HDAC9: variants seen among roughly 807,000 people sequenced by gnomAD.
HDAC9 encodes the protein MEF-2 interacting transcription repressor (MITR) protein.
In HDAC9, 41 loss-of-function variants were observed where a neutral mutation model predicts 139.4. The ratio of observed to expected loss-of-function variants is 0.29; its 90% confidence interval spans 0.23 to 0.38. The LOEUF (loss-of-function observed/expected upper bound fraction) is 0.38. Among genes scored for constraint, HDAC9 ranks in the 10% least tolerant of loss-of-function variants. The probability of loss-of-function intolerance (pLI) is 1.00; values close to 1 mark genes in which losing one functional copy is unlikely to be tolerated. For synonymous variants in HDAC9, 517 were observed against 476.2 expected, an observed-to-expected ratio of 1.09 and a Z score of -1.12; for missense variants, 1,147 against 1,297.0, an observed-to-expected ratio of 0.88 and a Z score of 1.78.
intron 1 of HDAC9, among the ~76,000 whole-genome samples, chr7:18,443,834 G>C (rs907643662): frequency 1.3e-5 from 2 of 150,130 alleles, no homozygotes; most frequent in African/African-American, 4.9e-5. Context: ...ATACACATTT[G>C]TATAAACATT....
chr7:18,342,517 T>C (rs1479532876), intron 1 of HDAC9, among the ~76,000 whole-genome samples: 1 of 151,898 alleles, frequency 6.6e-6, no homozygotes, highest in Non-Finnish European at 1.5e-5. Flanking sequence ...AAATGGAGTT[T>C]CTGACTCATA....
At chr7:18,400,468 G>T (rs1787437367) in intron 1 of HDAC9, among the ~76,000 whole-genome samples, 1 of 152,122 alleles carries the variant, frequency 6.6e-6, no homozygotes, top group Non-Finnish European at 1.5e-5. Flanking sequence ...AGAAACTGGG[G>T]GTTGGCAGTA....
intron 21 of HDAC9, 59 bp downstream of exon 21, chr7:18,836,056 A>G: frequency 1.1e-6 from 1 of 880,330 alleles, no homozygotes; most frequent in Non-Finnish European, 1.8e-6. Flanking sequence ...CATTGAAATA[A>G]CACCAAATAT....
intron 16 of HDAC9, among the ~76,000 whole-genome samples, chr7:18,792,271 A>ATT (rs1562944981): frequency 1.6e-3 from 237 of 150,124 alleles, no homozygotes; most frequent in African/African-American, 5.6e-3. Context: ...TTTTTTTAAA[A>ATT]AAAAAAAAAA....
At chr7:18,279,080 A>G (rs942837397) in intron 2 of HDAC9, among the ~76,000 whole-genome samples, 1 of 152,236 alleles carries the variant, frequency 6.6e-6, no homozygotes, top group Non-Finnish European at 1.5e-5. Flanking sequence ...TTCATCATTC[A>G]ATAAAGTACA....
chr7:18,420,538 A>C (rs1789521666), intron 1 of HDAC9, among the ~76,000 whole-genome samples: 1 of 152,208 alleles, frequency 6.6e-6, no homozygotes, highest in Non-Finnish European at 1.5e-5. Flanking sequence ...TTCATATTTA[A>C]AACTCATAAA....
chr7:18,926,792 A>G (rs750837601), intron 22 of HDAC9, among the ~76,000 whole-genome samples: 24 of 152,290 alleles, frequency 1.6e-4, no homozygotes, highest in Admixed American at 3.3e-4. Context: ...TTAGGATACA[A>G]TTTATTCATT....
chr7:18,721,463 G>A (rs2129124385), intron 12 of HDAC9, among the ~76,000 whole-genome samples: 1 of 151,676 alleles, frequency 6.6e-6, no homozygotes, highest in Admixed American at 6.6e-5. Flanking sequence ...TAAACTATTT[G>A]TACTAAATGT....
At chr7:18,373,405 T>C (rs2128704511) in intron 1 of HDAC9, among the ~76,000 whole-genome samples, 1 of 152,296 alleles carries the variant, frequency 6.6e-6, no homozygotes, top group South Asian at 2.1e-4. Flanking sequence ...CATTTATTCA[T>C]CTGTAAAACA....
At chr7:18,430,161 T>C (rs1250025034) in intron 1 of HDAC9, among the ~76,000 whole-genome samples, 2 of 152,158 alleles carry the variant, frequency 1.3e-5, no homozygotes, top group East Asian at 3.8e-4. Context: ...CAATTTGAAT[T>C]TATAGCTTGA....
intron 1 of HDAC9, among the ~76,000 whole-genome samples, chr7:18,319,074 C>G (rs186429640): frequency 6.6e-6 from 1 of 152,118 alleles, no homozygotes; most frequent in African/African-American, 2.4e-5. Context: ...TGTTTGTTAG[C>G]GTAGTAGCAT....
In HDAC9 at chr7:19,001,801, C is replaced by T. The variant is rs1178896096; in HGVS notation, c.*5739C>T. 2.0e-5 allele frequency: 3 copies of T among 152,014 alleles called. No individual in the cohort carries two copies. Among genetic ancestry groups the T allele is most frequent in the Non-Finnish European group, 4.4e-5 (3 of 67,932 alleles). The allele number at this position is 152,014 out of a possible 1,614,324, so 9.4% of individuals were successfully genotyped here. A position where few individuals can be genotyped will look rare whatever the true frequency, so the allele number is the denominator to read the frequency against. On this transcript the variant is annotated 3_prime_UTR_variant, in exon 26 of 26. Coordinates refer to ENST00000686413, the MANE Select transcript of HDAC9 (RefSeq NM_178425.4). ...AAATGAGTGACCATTTTGTAGGTTA[C>T]AGCCTCAGCAATCTGTGTCATTTGA...
intron 25 of HDAC9, among the ~76,000 whole-genome samples, chr7:18,994,086 G>T (rs556345894): frequency 1.0e-3 from 157 of 152,264 alleles, no homozygotes; most frequent in African/African-American, 3.3e-3. Flanking sequence ...GGTTGGACAT[G>T]TGGAGAATTC....
chr7:18,941,221 C>G (rs1033210921), intron 23 of HDAC9, among the ~76,000 whole-genome samples: 1 of 151,568 alleles, frequency 6.6e-6, no homozygotes, highest in Non-Finnish European at 1.5e-5. Flanking sequence ...TCCTCACTCC[C>G]TTCAACCCTC....
chr7:18,516,862 G>GAAAA (rs35689821), intron 2 of HDAC9, among the ~76,000 whole-genome samples: 71 of 54,216 alleles, frequency 1.3e-3, no homozygotes, highest in East Asian at 1.7e-3. Context: ...CTCCATTTCA[G>GAAAA]AAAAAAAAAA....
At chr7:18,959,314 A>C (rs7458544) in intron 24 of HDAC9, among the ~76,000 whole-genome samples, 2 of 152,186 alleles carry the variant, frequency 1.3e-5, no homozygotes, top group African/African-American at 2.4e-5. Flanking sequence ...TGAAACCCCA[A>C]AACATGAGAA....
chr7:18,934,600 A>G (rs902058000), intron 22 of HDAC9, among the ~76,000 whole-genome samples: 3 of 152,210 alleles, frequency 2.0e-5, no homozygotes, highest in South Asian at 2.1e-4. Context: ...TAAATTAGAA[A>G]TAGAAAACTC....
At chr7:18,603,031 CTA>C (rs1478404643) in intron 6 of HDAC9, among the ~76,000 whole-genome samples, 1 of 152,036 alleles carries the variant, frequency 6.6e-6, no homozygotes, top group Non-Finnish European at 1.5e-5. Context: ...AGAACTGTGA[CTA>C]TTTTATCAAT....
At chr7:18,540,942 T>C (rs981064563) in intron 2 of HDAC9, among the ~76,000 whole-genome samples, 2 of 152,136 alleles carry the variant, frequency 1.3e-5, no homozygotes, top group African/African-American at 4.8e-5. Context: ...CCCTGTTTTA[T>C]AGATAAAGAA....
Sources: allele counts gnomAD v4.1 joint callset (sites outside exome capture counted in the v4.1 genomes callset), GRCh38; gene constraint gnomAD v4.1.1; transcripts MANE v1.5; gene names NCBI Gene and HGNC (gene_info 2026-07-23, HGNC 2026-07-21).